The following XIAP variants were observed in gnomAD, a reference collection of about 807,000 sequenced individuals.
The protein encoded by XIAP is X-linked inhibitor of apoptosis.
A neutral mutation model predicts 33.1 loss-of-function variants in XIAP; 3 were observed. That is an observed-to-expected ratio of 0.09 (90% CI 0.04 to 0.23). The LOEUF is 0.23. Ranked by LOEUF, XIAP falls within the 10% of genes least tolerant of loss-of-function variation. XIAP has a pLI of 1.00. For missense variants in XIAP, 264 were observed against 363.0 expected (o/e 0.73, Z 2.22); for synonymous variants, 98 against 121.3 (o/e 0.81, Z 1.26).
At chrX:123,872,833 T>G (rs1346394087) in intron 1 of XIAP, 2 of 111,255 alleles carry the variant, frequency 1.8e-5, no homozygotes, top group Non-Finnish European at 3.8e-5. Flanking sequence ...TGATGACTGC[T>G]TTTATCTCTG....
chrX:123,890,897 T>C (rs974988425), intron 3 of XIAP, among the ~76,000 whole-genome samples: 3 of 103,531 alleles, frequency 2.9e-5, no homozygotes, highest in Non-Finnish European at 5.9e-5. Flanking sequence ...GCCAAGATCG[T>C]GCCACTGCAC....
Position 123,910,651 on chromosome X carries a change from C to G in XIAP, c.*3470C>G. 1 of 324,646 alleles carries G rather than the reference C, an allele frequency of 3.1e-6. No individual in the cohort carries two copies. Among genetic ancestry groups the G allele is most frequent in the Non-Finnish European group, 6.0e-6 (1 of 167,696 alleles). 26.8% of individuals were successfully genotyped at this position (324,646 alleles called of 1,213,427 possible). A position where few individuals can be genotyped will look rare whatever the true frequency, so the allele number is the denominator to read the frequency against. ...TTGGGAGGCTGAGGCAGGTGGATCA[C>G]GAGGTCAGGAGATCGAGACCATCCT... On this transcript the variant is annotated 3_prime_UTR_variant, in exon 7 of 7. Transcript: ENST00000371199.
chrX:123,867,273 A>G (rs1283911960), intron 1 of XIAP, among the ~76,000 whole-genome samples: 1 of 104,736 alleles, frequency 9.5e-6, no homozygotes, highest in Non-Finnish European at 2.0e-5. Flanking sequence ...GGGTTTCACC[A>G]TGGTCTCCAT....
intron 1 of XIAP, among the ~76,000 whole-genome samples, chrX:123,864,991 C>CTT (rs35693982): frequency 1.1e-5 from 1 of 89,268 alleles, no homozygotes; most frequent in East Asian, 3.9e-4. Flanking sequence ...CGCCTTTCTT[C>CTT]TTTTTTTTTT....
At chrX:123,872,959 C>T (rs2053208088) in intron 1 of XIAP, 1 of 111,370 alleles carries the variant, frequency 9.0e-6, no homozygotes, top group Admixed American at 9.6e-5. Flanking sequence ...TTCCCAGGCT[C>T]AGGCAGTCCT....
Position 123,910,880 on chromosome X carries a change from A to G in XIAP, c.*3699A>G, listed in dbSNP as rs2053594565. 3.2e-6 allele frequency: 1 copy of G among 311,719 alleles called. No homozygotes were observed. The highest frequency in any genetic ancestry group is 6.0e-6 in the Non-Finnish European group (1 of 165,754). The allele number at this position is 311,719 out of a possible 1,213,427, so 25.7% of individuals were successfully genotyped here. On this transcript the variant is annotated 3_prime_UTR_variant, in exon 7 of 7. Coordinates refer to ENST00000371199, the MANE Select transcript of XIAP (RefSeq NM_001167.4). ...AAGACTCTGTCTCAAAAAAAAAAAAAAAAGAAATAAGAAAATGGGAAGCAA... is the reference window on the plus strand; with the variant it reads ...AAGACTCTGTCTCAAAAAAAAAAAAGAAAGAAATAAGAAAATGGGAAGCAA...
upstream of XIAP, chrX:123,859,813 T>C: frequency 1.7e-5 from 4 of 238,191 alleles, no homozygotes; most frequent in South Asian, 1.7e-4. Context: ...CCTCATTTTT[T>C]CTTACTGCCC....
At chrX:123,875,715 T>A (rs2053238221) in intron 1 of XIAP, among the ~76,000 whole-genome samples, 1 of 109,489 alleles carries the variant, frequency 9.1e-6, no homozygotes, top group Non-Finnish European at 1.9e-5. Context: ...AGACGGAGTC[T>A]CGCTGTGTCG....
At chrX:123,886,586 G>A in intron 2 of XIAP, 47 bp downstream of exon 2, 1 of 1,185,458 alleles carries the variant, frequency 8.4e-7, no homozygotes, top group South Asian at 1.8e-5. Context: ...AGTATGCCAG[G>A]GCTCATAAAA....
Position 123,908,343 on chromosome X carries a change from C to T in XIAP, c.*1162C>T. On this transcript the variant is annotated 3_prime_UTR_variant, in exon 7 of 7. Transcript: ENST00000371199. Reference sequence around the variant, plus strand: ...TTGTAAAATGAAATATAAAATATGTCTCAGATCTTCCAATTAATTAGTAAG... The same window carrying T: ...TTGTAAAATGAAATATAAAATATGTTTCAGATCTTCCAATTAATTAGTAAG... 1 of 371,391 alleles carries T rather than the reference C, an allele frequency of 2.7e-6. No homozygotes were observed. Among genetic ancestry groups the T allele is most frequent in the East Asian group, 5.9e-5 (1 of 16,994 alleles). The allele number at this position is 371,391 out of a possible 1,213,427, so 30.6% of individuals were successfully genotyped here.
intron 1 of XIAP, among the ~76,000 whole-genome samples, chrX:123,863,493 T>G (rs1427753067): frequency 9.0e-6 from 1 of 111,407 alleles, no homozygotes; most frequent in Non-Finnish European, 1.9e-5. Context: ...TTATAGTGAT[T>G]AGGAGTTCAG....
intron 1 of XIAP, among the ~76,000 whole-genome samples, chrX:123,866,174 C>T (rs1427793490): frequency 2.7e-5 from 3 of 109,260 alleles, no homozygotes; most frequent in Non-Finnish European, 5.7e-5. Context: ...CTCCTGACCT[C>T]GTGATCCACC....
At chrX:123,904,459 C>T (rs1158067278) in intron 6 of XIAP, among the ~76,000 whole-genome samples, 1 of 110,776 alleles carries the variant, frequency 9.0e-6, no homozygotes, top group East Asian at 2.8e-4. Flanking sequence ...TAGTCCCATT[C>T]CCCACTCTAC....
chrX:123,865,938 ATC>A (rs2053130867), intron 1 of XIAP, among the ~76,000 whole-genome samples: 1 of 99,871 alleles, frequency 1.0e-5, no homozygotes, highest in African/African-American at 3.7e-5. Flanking sequence ...TTTTTTTGGT[ATC>A]TCTTTTTTTC....
intron 1 of XIAP, among the ~76,000 whole-genome samples, chrX:123,863,749 A>T (rs2053102755): frequency 9.0e-6 from 1 of 111,302 alleles, no homozygotes; most frequent in Admixed American, 9.7e-5. Context: ...CTCAGGTGAA[A>T]AAGTGCTGGG....
At chrX:123,896,342 C>T (rs768928583) in intron 5 of XIAP, among the ~76,000 whole-genome samples, 1 of 111,562 alleles carries the variant, frequency 9.0e-6, no homozygotes, top group Non-Finnish European at 1.9e-5. Flanking sequence ...GCTGGGATTA[C>T]AGGTGTGATC....
rs1014909692 is a variant in XIAP at position 123,911,919 on chromosome X, G to A, written c.*4738G>A. On this transcript the variant is annotated 3_prime_UTR_variant, in exon 7 of 7. Transcript: ENST00000371199. The stretch of plus-strand genomic sequence containing the variant: ...TATCCAGTTCTTTCATTTTACAGGT[G>A]AGGCAACTGAGACTCAAAGGTGATG... 9 of 326,770 alleles carry A rather than the reference G, an allele frequency of 2.8e-5. No homozygotes were observed. The Admixed American group carries it at 2.8e-4, about 10-fold the overall frequency. The allele number at this position is 326,770 out of a possible 1,213,427, so 26.9% of individuals were successfully genotyped here. A position where few individuals can be genotyped will look rare whatever the true frequency, so the allele number is the denominator to read the frequency against.
rs187400208 is a variant in XIAP, at chrX:123,910,221, G to A, written c.*3040G>A. On this transcript the variant is annotated 3_prime_UTR_variant, in exon 7 of 7. Transcript: ENST00000371199. ...TTAATAGCTTTATATTGCCTTTCCT[G>A]CTACATTTGGTTTTTTCCCCTGTCC... The A allele has an allele frequency of 2.3e-3, 767 of 327,903 alleles. 1 individual carries two copies. Among genetic ancestry groups the A allele is most frequent in the Non-Finnish European group, 3.5e-3 (598 of 169,715 alleles). 27.0% of individuals were successfully genotyped at this position (327,903 alleles called of 1,213,427 possible).
chrX:123,878,551 C>G (rs2053267874), intron 1 of XIAP: 1 of 112,744 alleles, frequency 8.9e-6, no homozygotes, highest in Non-Finnish European at 1.9e-5. Context: ...TTTACAAGTC[C>G]TATGACATCC....
Sources: allele counts gnomAD v4.1 joint callset (sites outside exome capture counted in the v4.1 genomes callset), GRCh38; gene constraint gnomAD v4.1.1; transcripts MANE v1.5; gene names NCBI Gene and HGNC (gene_info 2026-07-23, HGNC 2026-07-21).